Variants in CLMN observed in about 807,000 individuals in gnomAD.
CLMN encodes the protein calmin.
A neutral mutation model predicts 92.7 loss-of-function variants in CLMN; 57 were observed. The ratio of observed to expected loss-of-function variants is 0.61; its 90% CI spans 0.50 to 0.77. CLMN has a LOEUF of 0.77. Ranked by LOEUF, CLMN falls within the 30% of genes least tolerant of loss-of-function variation. CLMN has a pLI of 0.00. For missense variants in CLMN, 1,158 were observed against 1,237.5 expected, an observed-to-expected ratio of 0.94 and a Z score of 0.96; for synonymous variants, 466 against 470.6, an observed-to-expected ratio of 0.99 and a Z score of 0.13.
At chr14:95,215,612 T>G in intron 5 of CLMN, 29 bp downstream of exon 5, 1 of 1,578,764 alleles carries the variant, frequency 6.3e-7, no homozygotes, top group South Asian at 1.1e-5. Context: ...AGATCATGAT[T>G]GTGTGTTTTG....
chr14:95,257,419 C>T (rs1452434371), intron 1 of CLMN, among the ~76,000 whole-genome samples: 1 of 152,192 alleles, frequency 6.6e-6, no homozygotes, highest in African/African-American at 2.4e-5. Context: ...CTGCAGGAGC[C>T]ATTTGTTTTG....
At chr14:95,204,603 G>T in intron 8 of CLMN, 140 bp from the exon 9 acceptor site, 1 of 785,676 alleles carries the variant, frequency 1.3e-6, no homozygotes. Flanking sequence ...AACAAAAATG[G>T]AAAAAGCCAC....
intron 1 of CLMN, among the ~76,000 whole-genome samples, chr14:95,261,849 A>C (rs1326167986): frequency 6.6e-6 from 1 of 152,222 alleles, no homozygotes; most frequent in Non-Finnish European, 1.5e-5. Context: ...GGAAGTCATC[A>C]CTGGCTTCTG....
intron 4 of CLMN, among the ~76,000 whole-genome samples, chr14:95,220,049 CATATA>C (rs2140613454): frequency 6.6e-6 from 1 of 151,994 alleles, no homozygotes; most frequent in South Asian, 2.1e-4. Context: ...TGAATAGAAT[CATATA>C]ATAAGTGGTC....
chr14:95,244,291 G>C (rs1039532687), intron 1 of CLMN, among the ~76,000 whole-genome samples: 1 of 152,212 alleles, frequency 6.6e-6, no homozygotes, highest in Admixed American at 6.5e-5. Context: ...CTCCCGGGAT[G>C]AGGTGCTCAG....
chr14:95,251,977 A>C (rs1898806420), intron 1 of CLMN, among the ~76,000 whole-genome samples: 1 of 152,178 alleles, frequency 6.6e-6, no homozygotes, highest in South Asian at 2.1e-4. Flanking sequence ...AGGATTAGCG[A>C]GGCAAAGCCC....
chr14:95,213,116 G>A, intron 6 of CLMN, 103 bp downstream of exon 6: 2 of 1,246,624 alleles, frequency 1.6e-6, no homozygotes, highest in Non-Finnish European at 2.3e-6. Flanking sequence ...TGAAGCAATG[G>A]GCACATACAT....
intron 1 of CLMN, among the ~76,000 whole-genome samples, chr14:95,251,985 C>T (rs112068687): frequency 0.023 from 3,429 of 152,220 alleles, 70 homozygotes; most frequent in African/African-American, 0.034. Flanking sequence ...CGAGGCAAAG[C>T]CCAACTTGAT....
chr14:95,225,459 C>T (rs182548746), intron 2 of CLMN, among the ~76,000 whole-genome samples: 4 of 152,366 alleles, frequency 2.6e-5, no homozygotes, highest in African/African-American at 9.6e-5. Context: ...GGTAGGGAGC[C>T]TGGCACAGCC....
intron 1 of CLMN, among the ~76,000 whole-genome samples, chr14:95,263,321 A>T (rs1899333852): frequency 6.6e-6 from 1 of 152,190 alleles, no homozygotes; most frequent in African/African-American, 2.4e-5. Flanking sequence ...TCAGGAGAAC[A>T]GCATGGGGGT....
At chr14:95,245,796 T>TTGGATGGATGGATGGATGGATGGATGGA (rs150318487) in intron 1 of CLMN, among the ~76,000 whole-genome samples, 8 of 140,362 alleles carry the variant, frequency 5.7e-5, no homozygotes, top group African/African-American at 2.2e-4. Context: ...GGTTGGATTA[T>TTGGATGGATGGATGGATGGATGGATGGA]TGGATGGATG....
At chr14:95,222,787 C>T (rs1897590823) in intron 3 of CLMN, among the ~76,000 whole-genome samples, 1 of 152,168 alleles carries the variant, frequency 6.6e-6, no homozygotes, top group South Asian at 2.1e-4. Flanking sequence ...TGTGTTTTGC[C>T]ATTGGGAAAG....
chr14:95,244,016 C>T (rs1185585400), intron 1 of CLMN, among the ~76,000 whole-genome samples: 1 of 152,066 alleles, frequency 6.6e-6, no homozygotes, highest in Admixed American at 6.6e-5. Context: ...AGGCGTGTAG[C>T]ACCTTCCCCC....
At chr14:95,304,871 G>A (rs923644825) in intron 1 of CLMN, among the ~76,000 whole-genome samples, 5 of 152,116 alleles carry the variant, frequency 3.3e-5, no homozygotes, top group African/African-American at 1.2e-4. Flanking sequence ...AGCAGCCTGG[G>A]AGGAAAGACC....
intron 1 of CLMN, among the ~76,000 whole-genome samples, chr14:95,239,997 CTG>C (rs1898189779): frequency 1.3e-5 from 2 of 152,176 alleles, no homozygotes; most frequent in Non-Finnish European, 2.9e-5. Context: ...TGTGAAAACA[CTG>C]TTGTGTTACA....
At chr14:95,302,237 T>A (rs1299462378) in intron 1 of CLMN, among the ~76,000 whole-genome samples, 1 of 151,514 alleles carries the variant, frequency 6.6e-6, no homozygotes, top group Admixed American at 6.6e-5. Context: ...GAGGCAGAGG[T>A]TGCAGTGAGC....
At chr14:95,208,512 A>G (rs760346718) in intron 8 of CLMN, among the ~76,000 whole-genome samples, 18 of 152,258 alleles carry the variant, frequency 1.2e-4, no homozygotes, top group Non-Finnish European at 2.5e-4. Flanking sequence ...ATTGATAAAA[A>G]TCTGGTAGAT....
chr14:95,285,006 G>A (rs1420620467), intron 1 of CLMN, among the ~76,000 whole-genome samples: 1 of 152,162 alleles, frequency 6.6e-6, no homozygotes, highest in African/African-American at 2.4e-5. Context: ...TCCACGTGTT[G>A]TGGGAGGGAC....
chr14:95,286,477 G>A (rs1264812573), intron 1 of CLMN, among the ~76,000 whole-genome samples: 1 of 152,188 alleles, frequency 6.6e-6, no homozygotes, highest in Non-Finnish European at 1.5e-5. Context: ...GAGATAGAGG[G>A]ATGGTAAATG....
Sources: allele counts gnomAD v4.1 joint callset (sites outside exome capture counted in the v4.1 genomes callset), GRCh38; gene constraint gnomAD v4.1.1; transcripts MANE v1.5; gene names NCBI Gene and HGNC (gene_info 2026-07-23, HGNC 2026-07-21).